The following CNTN4 variants were observed in gnomAD, a reference collection of about 807,000 sequenced individuals.
CNTN4 encodes contactin-4.
In CNTN4, 77 loss-of-function variants were observed where a neutral mutation model predicts 122.5. That is an observed-to-expected ratio of 0.63 (90% CI 0.52 to 0.76). The LOEUF (loss-of-function observed/expected upper bound fraction) is 0.76. Among genes scored for constraint, CNTN4 ranks in the 30% least tolerant of loss-of-function variants. The pLI, the probability that CNTN4 is intolerant of heterozygous loss-of-function variation, is 0.00. For synonymous variants in CNTN4, 512 were observed against 447.0 expected (o/e 1.15, Z -1.83); for missense variants, 1,256 against 1,259.1 (o/e 1.00, Z 0.04).
intron 2 of CNTN4, among the ~76,000 whole-genome samples, chr3:2,226,645 A>G (rs997161704): frequency 6.6e-6 from 1 of 152,190 alleles, no homozygotes; most frequent in Non-Finnish European, 1.5e-5. Flanking sequence ...TCATAGGCAA[A>G]TATTTATCAT....
chr3:2,367,700 G>A (rs983629028), intron 3 of CNTN4, among the ~76,000 whole-genome samples: 2 of 152,126 alleles, frequency 1.3e-5, no homozygotes, highest in Admixed American at 6.5e-5. Context: ...GACCAGGCTG[G>A]TCTCGAACTC....
intron 3 of CNTN4, among the ~76,000 whole-genome samples, chr3:2,475,544 T>C (rs1383908006): frequency 6.6e-6 from 1 of 152,178 alleles, no homozygotes; most frequent in Non-Finnish European, 1.5e-5. Flanking sequence ...TTTCAAAATG[T>C]AACAAATGAT....
At chr3:2,469,932 A>G (rs550569962) in intron 3 of CNTN4, among the ~76,000 whole-genome samples, 2 of 152,342 alleles carry the variant, frequency 1.3e-5, no homozygotes, top group African/African-American at 4.8e-5. Flanking sequence ...TTTATATGTG[A>G]GATAAAATTG....
intron 3 of CNTN4, among the ~76,000 whole-genome samples, chr3:2,371,620 CT>C (rs2045636181): frequency 6.6e-6 from 1 of 152,056 alleles, no homozygotes; most frequent in Non-Finnish European, 1.5e-5. Flanking sequence ...TTTTGTATTT[CT>C]TTTATTATTT....
intron 3 of CNTN4, among the ~76,000 whole-genome samples, chr3:2,432,983 G>T (rs923921323): frequency 2.2e-5 from 3 of 136,650 alleles, no homozygotes; most frequent in East Asian, 2.0e-4. Flanking sequence ...TTGTTTTTTT[G>T]TTTGTTTGTT....
At chr3:2,125,718 C>G (rs1044684265) in intron 2 of CNTN4, among the ~76,000 whole-genome samples, 1 of 151,600 alleles carries the variant, frequency 6.6e-6, no homozygotes, top group Non-Finnish European at 1.5e-5. Flanking sequence ...CCACCATGCC[C>G]GGCAAATTTT....
At chr3:2,675,723 C>T (rs1303896951) in intron 4 of CNTN4, among the ~76,000 whole-genome samples, 2 of 152,138 alleles carry the variant, frequency 1.3e-5, no homozygotes, top group South Asian at 4.1e-4. Context: ...AAGCATCTAA[C>T]AGGGGACCCA....
chr3:2,391,325 T>A (rs1243710141), intron 3 of CNTN4, among the ~76,000 whole-genome samples: 1 of 152,220 alleles, frequency 6.6e-6, no homozygotes, highest in East Asian at 1.9e-4. Flanking sequence ...TGTTCTCTGA[T>A]TAAATCCACG....
chr3:2,170,494 A>T (rs976358642), intron 2 of CNTN4, among the ~76,000 whole-genome samples: 1 of 152,120 alleles, frequency 6.6e-6, no homozygotes, highest in Non-Finnish European at 1.5e-5. Flanking sequence ...AAGTAAACAC[A>T]CTCTCCTCCT....
At chr3:2,260,920 G>A (rs1353024092) in intron 2 of CNTN4, among the ~76,000 whole-genome samples, 2 of 151,784 alleles carry the variant, frequency 1.3e-5, no homozygotes, top group East Asian at 1.9e-4. Flanking sequence ...AAGTAGAGAC[G>A]AGGTTTCACC....
chr3:2,628,175 G>A (rs1403075944), intron 4 of CNTN4, among the ~76,000 whole-genome samples: 1 of 152,204 alleles, frequency 6.6e-6, no homozygotes, highest in East Asian at 1.9e-4. Flanking sequence ...GCCTGGAGGA[G>A]CCTCAGCATA....
At chr3:2,559,272 G>A (rs2078847384) in intron 3 of CNTN4, among the ~76,000 whole-genome samples, 1 of 152,182 alleles carries the variant, frequency 6.6e-6, no homozygotes, top group African/African-American at 2.4e-5. Flanking sequence ...CACCATTGCA[G>A]AGAATGGCAA....
In CNTN4 at chr3:2,385,706, T is replaced by C. The variant is rs1338340514; in HGVS notation, c.-89+46473T>C. Among the ~76,000 whole-genome samples, 12 of 152,100 alleles carry C rather than the reference T, an allele frequency of 7.9e-5. No homozygotes were observed. Reference sequence around the variant, plus strand: ...TCACATGCTGCATTCCCTGTATGCCTGTGTGTTCAAATTTTTTCCTCTTCT... The same window carrying C: ...TCACATGCTGCATTCCCTGTATGCCCGTGTGTTCAAATTTTTTCCTCTTCT... On this transcript the variant is annotated intron_variant, in intron 3 of 24. Coordinates refer to ENST00000418658, the MANE Select transcript of CNTN4 (RefSeq NM_175607.3). The surrounding 1 kb of genome is among the most constrained non-coding windows in gnomAD (Gnocchi z 4.0).
chr3:2,535,712 G>A (rs528860821), intron 3 of CNTN4, among the ~76,000 whole-genome samples: 2 of 152,210 alleles, frequency 1.3e-5, no homozygotes, highest in Admixed American at 1.3e-4. Context: ...GTTGGATTTG[G>A]TAGTTGTATA....
rs376630177 is a variant in CNTN4, at chr3:2,541,900, A to C, written c.-88-29516A>C. ...CAGGGCCACTGACCTTGGCAACTCTAATATTTATCTCTGTGGAACTGAGTT... is the reference window on the plus strand; with the variant it reads ...CAGGGCCACTGACCTTGGCAACTCTCATATTTATCTCTGTGGAACTGAGTT... On this transcript the variant is annotated intron_variant, in intron 3 of 24. Transcript: ENST00000418658. Among the ~76,000 whole-genome samples, 7 of 152,166 alleles carry C rather than the reference A, an allele frequency of 4.6e-5. No individual in the cohort carries two copies. In the East Asian group the frequency reaches 1.2e-3, roughly 25 times the overall value.
intron 2 of CNTN4, among the ~76,000 whole-genome samples, chr3:2,194,575 C>T (rs1005519256): frequency 2.6e-5 from 4 of 152,150 alleles, no homozygotes; most frequent in Non-Finnish European, 5.9e-5. Context: ...CACCACCCGT[C>T]CCTCAGAATA....
intron 13 of CNTN4, among the ~76,000 whole-genome samples, chr3:2,973,075 G>A (rs6801614): frequency 0.028 from 4,193 of 152,084 alleles, 84 homozygotes; most frequent in Non-Finnish European, 0.042. Context: ...TTACCTGTGC[G>A]ACTTCACAGT....
intron 7 of CNTN4, among the ~76,000 whole-genome samples, chr3:2,821,461 AT>A (rs1295744217): frequency 2.0e-5 from 3 of 152,212 alleles, no homozygotes; most frequent in Non-Finnish European, 4.4e-5. Context: ...GTTTTTGTCC[AT>A]TTCAATTTAC....
chr3:3,007,201 T>C (rs763079101), intron 14 of CNTN4, among the ~76,000 whole-genome samples: 1 of 152,244 alleles, frequency 6.6e-6, no homozygotes, highest in African/African-American at 2.4e-5. Context: ...ACAAAACTGT[T>C]CAAATCTGCA....
Sources: allele counts gnomAD v4.1 joint callset (sites outside exome capture counted in the v4.1 genomes callset), GRCh38; gene constraint gnomAD v4.1.1; non-coding constraint Gnocchi (gnomAD v3.1); transcripts MANE v1.5; gene names NCBI Gene and HGNC (gene_info 2026-07-23, HGNC 2026-07-21).